The following HTATSF1 variants were observed in gnomAD, a reference collection of about 807,000 sequenced individuals.
HTATSF1 encodes HIV-1 Tat specific factor 1.
HTATSF1 carries 6 observed loss-of-function variants against 46.1 expected under a neutral mutation model. That is an observed-to-expected ratio of 0.13 (90% CI 0.07 to 0.26). HTATSF1 has a LOEUF of 0.26. Ranked by LOEUF, HTATSF1 falls within the 10% of genes least tolerant of loss-of-function variation. HTATSF1 has a pLI of 1.00. For synonymous variants in HTATSF1, 226 were observed against 211.5 expected (o/e 1.07, Z -0.60); for missense variants, 452 against 559.9 (o/e 0.81, Z 1.94).
Position 136,511,397 on chromosome X carries a change from A to G in HTATSF1, c.1652A>G (p.Asp551Gly). The change falls in exon 9 of 9, where the codon GAC becomes GGC. Residue 551 changes from aspartate to glycine, a missense_variant. This residue lies in a region of HTATSF1 where 246 missense variants were observed against 245.3 expected (regional missense o/e 1.00). Transcript: ENST00000218364. The part of the protein sequence containing the change: ...EDDSEKESDE[D>G]CSEKQSEDGS... ...GACTCAGAGAAAGAGTCTGATGAAG[A>G]CTGCTCTGAAAAACAGTCTGAAGAT... 8.3e-7 allele frequency: 1 copy of G among 1,211,237 alleles called. No homozygotes were observed. Among genetic ancestry groups the G allele is most frequent in the Non-Finnish European group, 1.1e-6 (1 of 895,306 alleles).
At chrX:136,503,691 C>T (rs1206961818) in intron 5 of HTATSF1, among the ~76,000 whole-genome samples, 1 of 111,116 alleles carries the variant, frequency 9.0e-6, no homozygotes, top group Non-Finnish European at 1.9e-5. Context: ...AAAACCAATA[C>T]AATTTAAATA....
At chrX:136,499,573 C>T (rs754491192) in intron 1 of HTATSF1, 25 bp from the exon 2 acceptor site, 11 of 1,108,337 alleles carry the variant, frequency 9.9e-6, no homozygotes, top group African/African-American at 5.6e-5. Context: ...TTTCTCTGTC[C>T]GGGTCTGTTG....
chrX:136,508,690 A>G (rs936777039), intron 6 of HTATSF1, among the ~76,000 whole-genome samples: 4 of 112,545 alleles, frequency 3.6e-5, no homozygotes, highest in African/African-American at 1.3e-4. Flanking sequence ...TCTCCATTAC[A>G]ACATTTCTGT....
chrX:136,500,123 A>G, intron 2 of HTATSF1, 35 bp from the exon 3 acceptor site: 1 of 884,023 alleles, frequency 1.1e-6, no homozygotes, highest in African/African-American at 2.0e-5. Flanking sequence ...TTTTTTTGCA[A>G]GTGTTTTATT....
intron 6 of HTATSF1, among the ~76,000 whole-genome samples, chrX:136,507,570 AAAAG>A (rs10673678): frequency 1.1e-4 from 12 of 109,004 alleles, no homozygotes; most frequent in East Asian, 2.8e-4. Context: ...TCAAAAAAAA[AAAAG>A]AAAGAAAGCA....
chrX:136,500,227 G>C (rs2075711861), intron 3 of HTATSF1, 22 bp downstream of exon 3: 2 of 989,294 alleles, frequency 2.0e-6, no homozygotes, highest in Non-Finnish European at 1.4e-6. Context: ...TTTTTAAACA[G>C]GTTTAAGGTA....
In HTATSF1 at chrX:136,499,714, A is replaced by G; in HGVS notation, c.303A>G (p.Pro101=). Residue 101 remains proline, a synonymous_variant, in exon 2 of 9, where the codon CCA becomes CCG. Transcript: ENST00000218364. ...DVHARTAEEP[P]QEKAPEPTDA... ...ATGCTAGGACTGCAGAGGAACCTCC[A>G]CAAGAAAAAGCCCCGGAACCCACTG... 8.3e-7 allele frequency: 1 copy of G among 1,200,307 alleles called. No homozygotes were observed. The highest frequency in any genetic ancestry group is 1.1e-6 in the Non-Finnish European group (1 of 892,143).
intron 5 of HTATSF1, among the ~76,000 whole-genome samples, chrX:136,503,609 T>G (rs914522760): frequency 2.7e-5 from 3 of 111,886 alleles, no homozygotes; most frequent in African/African-American, 9.8e-5. Context: ...CAGTAAAATT[T>G]ATGATTGTAA....
chrX:136,511,880 A>G lies in HTATSF1; in HGVS notation c.2135A>G (p.Asp712Gly). Residue 712 changes from aspartate (D) to glycine (G), a missense_variant, in exon 9 of 9, where the codon GAT (aspartate) becomes GGT (glycine). Around this residue, in one of 3 missense-constraint regions of HTATSF1, gnomAD observed 246 missense variants for 245.3 expected, o/e 1.00. Coordinates refer to ENST00000218364, the MANE Select transcript of HTATSF1 (RefSeq NM_014500.5). ...SNEKLFDEEEDSSEKLFDDSD... is the reference protein window; with the variant it reads ...SNEKLFDEEEGSSEKLFDDSD... ...GAGAAGTTGTTTGATGAGGAGGAAG[A>G]TTCCAGTGAGAAGTTGTTTGACGAT... The G allele has an allele frequency of 3.3e-6, 4 of 1,211,862 alleles. No individual in the cohort carries two copies. Among genetic ancestry groups the G allele is most frequent in the Non-Finnish European group, 4.5e-6 (4 of 895,527 alleles).
In HTATSF1 at chrX:136,511,731, GGC is replaced by G; in HGVS notation, c.1988_1989del (p.Ala663GlyfsTer4). 1 of 1,211,742 alleles carries G rather than the reference GGC, an allele frequency of 8.3e-7. No homozygotes were observed. The highest frequency in any genetic ancestry group is 1.1e-6 in the Non-Finnish European group (1 of 895,485). ...AGGGGCTTGAAGCTGCTGATAAAAA[GGC>G]GGAAGAAGGTGATGCAGATGAAAAG... ...EKGLEAADKKAEEGDADEKLF... is the reference protein window; with the variant it reads ...EKGLEAADKKXEEGDADEKLF... On this transcript the variant is annotated frameshift_variant, in exon 9 of 9. Transcript: ENST00000218364. LOFTEE classifies it high-confidence loss of function.
At chrX:136,508,114 A>G (rs1270156168) in intron 6 of HTATSF1, among the ~76,000 whole-genome samples, 1 of 111,898 alleles carries the variant, frequency 8.9e-6, no homozygotes, top group Non-Finnish European at 1.9e-5. Context: ...CTGCCAGCTT[A>G]TTTTTGCTTT....
At chrX:136,498,064 T>A (rs888008447) in intron 1 of HTATSF1, among the ~76,000 whole-genome samples, 194 bp downstream of exon 1, 6 of 112,870 alleles carry the variant, frequency 5.3e-5, no homozygotes, top group Non-Finnish European at 1.1e-4. Flanking sequence ...GTGTCTTAAA[T>A]GTAATTTTTA....
In HTATSF1 at chrX:136,512,153, C is replaced by T. The variant is rs1437426015; in HGVS notation, c.*140C>T. 8 of 599,313 alleles carry T rather than the reference C, an allele frequency of 1.3e-5. No homozygotes were observed. The highest frequency in any genetic ancestry group is 2.0e-5 in the Non-Finnish European group (8 of 400,634). 49.4% of individuals were successfully genotyped at this position (599,313 alleles called of 1,213,427 possible). ...AAGCATTGAAGTGTTTCATTGTTAC[C>T]TGTACCTAATGGTTTTAAATATATG... is the stretch of plus-strand genomic sequence containing the variant. On this transcript the variant is annotated 3_prime_UTR_variant, in exon 9 of 9. Coordinates refer to ENST00000218364, the MANE Select transcript of HTATSF1 (RefSeq NM_014500.5).
At chrX:136,500,627 C>G in intron 3 of HTATSF1, 37 bp from the exon 4 acceptor site, 2 of 918,629 alleles carry the variant, frequency 2.2e-6, no homozygotes, top group Non-Finnish European at 3.0e-6. Flanking sequence ...CCTTCATTAT[C>G]AATTATAAAT....
intron 5 of HTATSF1, 61 bp from the exon 6 acceptor site, chrX:136,504,303 T>C: frequency 1.3e-6 from 1 of 799,858 alleles, no homozygotes. Context: ...CTCATTCTTT[T>C]CTCTCTCCAA....
chrX:136,500,107 CTT>C lies in HTATSF1; in HGVS notation c.368-50_368-49del, dbSNP rs773571013. ...TTTGTCAAGATTCCATAATATGACTCTTATCTTTTTTTGCAAGTGTTTTATTT... is the reference window on the plus strand; with the variant it reads ...TTTGTCAAGATTCCATAATATGACTCATCTTTTTTTGCAAGTGTTTTATTT... On this transcript the variant is annotated intron_variant, in intron 2 of 8. Coordinates refer to ENST00000218364, the MANE Select transcript of HTATSF1 (RefSeq NM_014500.5). 3.1e-5 allele frequency: 25 copies of C among 815,057 alleles called. No homozygotes were observed. The Admixed American group carries it at 5.6e-4, about 18-fold the overall frequency. 67.2% of individuals were successfully genotyped at this position (815,057 alleles called of 1,213,427 possible). A position where few individuals can be genotyped will look rare whatever the true frequency, so the allele number is the denominator to read the frequency against.
intron 6 of HTATSF1, among the ~76,000 whole-genome samples, chrX:136,506,689 C>T (rs3027846): frequency 0.13 from 14,588 of 112,086 alleles, 2,182 homozygotes; most frequent in African/African-American, 0.43. Context: ...TTGGCCGTGG[C>T]GGAATTAGTT....
chrX:136,509,592 TAAGA>T (rs1400965687), intron 7 of HTATSF1, among the ~76,000 whole-genome samples: 1 of 112,243 alleles, frequency 8.9e-6, no homozygotes, highest in African/African-American at 3.2e-5. Flanking sequence ...ACCCAATAAT[TAAGA>T]GTCACCATTT....
chrX:136,503,463 T>C (rs1210780016), intron 5 of HTATSF1, among the ~76,000 whole-genome samples: 2 of 112,344 alleles, frequency 1.8e-5, no homozygotes, highest in African/African-American at 6.5e-5. Flanking sequence ...TAAATACTTT[T>C]ATCAGAGTAA....
Sources: allele counts gnomAD v4.1 joint callset (sites outside exome capture counted in the v4.1 genomes callset), GRCh38; gene constraint gnomAD v4.1.1; regional missense constraint gnomAD v4.1.1; transcripts MANE v1.5; gene names NCBI Gene and HGNC (gene_info 2026-07-23, HGNC 2026-07-21).